ZNF385D: variants seen among roughly 807,000 people sequenced by gnomAD.
ZNF385D encodes zinc finger protein 659.
In ZNF385D, 15 loss-of-function variants were observed where a neutral mutation model predicts 35.8. The observed-to-expected ratio is 0.42, with a 90% confidence interval of 0.28 to 0.64. The LOEUF is 0.64. ZNF385D is among the 30% of genes least tolerant of loss of function. The probability of loss-of-function intolerance (pLI) is 0.23; values close to 1 mark genes in which losing one functional copy is unlikely to be tolerated. For missense variants in ZNF385D, 474 were observed against 494.6 expected, an observed-to-expected ratio of 0.96 and a Z score of 0.39; for synonymous variants, 212 against 186.8, an observed-to-expected ratio of 1.13 and a Z score of -1.10.
intron 3 of ZNF385D, among the ~76,000 whole-genome samples, chr3:22,031,791 G>A (rs750389884): frequency 2.6e-5 from 4 of 152,152 alleles, no homozygotes; most frequent in Non-Finnish European, 4.4e-5. Flanking sequence ...CTACCGCATG[G>A]TCACGCTGCC....
chr3:21,715,953 T>C (rs1459325123), intron 1 of ZNF385D, among the ~76,000 whole-genome samples: 1 of 152,132 alleles, frequency 6.6e-6, no homozygotes, highest in Non-Finnish European at 1.5e-5. Context: ...TTCAAATCTG[T>C]TTCTCTCAAA....
intron 3 of ZNF385D, among the ~76,000 whole-genome samples, chr3:22,050,808 C>T (rs902884525): frequency 2.6e-5 from 4 of 152,076 alleles, no homozygotes; most frequent in East Asian, 1.9e-4. Flanking sequence ...TCAAAAATAA[C>T]GAATATCTGT....
At chr3:21,872,433 T>C (rs965142494) in intron 3 of ZNF385D, among the ~76,000 whole-genome samples, 2 of 152,176 alleles carry the variant, frequency 1.3e-5, no homozygotes, top group African/African-American at 2.4e-5. Flanking sequence ...TGAAAATCTA[T>C]TGAATTGAAG....
chr3:21,627,972 G>C (rs937522957), intron 2 of ZNF385D, among the ~76,000 whole-genome samples: 6 of 152,098 alleles, frequency 3.9e-5, no homozygotes, highest in Non-Finnish European at 8.8e-5. Context: ...AAAATGTCAA[G>C]TGCCTTCTTT....
At chr3:21,491,552 C>T (rs116350020) in intron 4 of ZNF385D, among the ~76,000 whole-genome samples, 1,719 of 152,128 alleles carry the variant, frequency 0.011, 29 homozygotes, top group African/African-American at 0.039. Context: ...TGTCTGCATA[C>T]ACAGATAACT....
intron 2 of ZNF385D, among the ~76,000 whole-genome samples, chr3:22,209,100 T>C (rs1697347776): frequency 6.6e-6 from 1 of 151,824 alleles, no homozygotes; most frequent in Non-Finnish European, 1.5e-5. Context: ...GGCATTCTGC[T>C]CCTCCGATTC....
intron 3 of ZNF385D, among the ~76,000 whole-genome samples, chr3:21,821,846 G>A (rs1460818449): frequency 6.6e-6 from 1 of 151,370 alleles, no homozygotes; most frequent in East Asian, 2.0e-4. Context: ...CCTGCCTGCA[G>A]TCCCAGGTAC....
chr3:22,272,427 A>C (rs1413657201), intron 2 of ZNF385D, among the ~76,000 whole-genome samples: 2 of 151,998 alleles, frequency 1.3e-5, no homozygotes, highest in Non-Finnish European at 2.9e-5. Context: ...ATTACCCATA[A>C]TGAACTCAAG....
intron 4 of ZNF385D, among the ~76,000 whole-genome samples, chr3:21,471,824 G>C (rs1703916245): frequency 6.6e-6 from 1 of 150,958 alleles, no homozygotes; most frequent in South Asian, 2.1e-4. Context: ...TAAAATCTCA[G>C]AGAGACAAAG....
intron 3 of ZNF385D, among the ~76,000 whole-genome samples, chr3:21,518,350 A>G (rs1243870660): frequency 6.6e-6 from 1 of 152,164 alleles, no homozygotes; most frequent in East Asian, 1.9e-4. Context: ...AACATTACAT[A>G]TGAGTGCTTT....
intron 3 of ZNF385D, among the ~76,000 whole-genome samples, chr3:21,821,018 A>T (rs1204789171): frequency 6.6e-6 from 1 of 152,068 alleles, no homozygotes; most frequent in African/African-American, 2.4e-5. Context: ...GCAAGAATAC[A>T]CTAAATGGAG....
chr3:21,568,335 CAG>C (rs768508089), intron 2 of ZNF385D, among the ~76,000 whole-genome samples: 23 of 152,106 alleles, frequency 1.5e-4, no homozygotes, highest in Non-Finnish European at 2.6e-4. Context: ...ACTGTCAAAT[CAG>C]GGGACACACA....
At chr3:21,993,086 T>C (rs991629594) in intron 3 of ZNF385D, among the ~76,000 whole-genome samples, 3 of 152,218 alleles carry the variant, frequency 2.0e-5, no homozygotes, top group Non-Finnish European at 2.9e-5. Context: ...ACATGCCAGA[T>C]ACATAACTCT....
chr3:21,942,822 C>A (rs1427054937), intron 3 of ZNF385D, among the ~76,000 whole-genome samples: 1 of 152,152 alleles, frequency 6.6e-6, no homozygotes, highest in African/African-American at 2.4e-5. Flanking sequence ...TTTAAGACAT[C>A]CCTAATCACA....
intron 4 of ZNF385D, among the ~76,000 whole-genome samples, chr3:21,455,432 C>T (rs1437271548): frequency 6.6e-6 from 1 of 152,186 alleles, no homozygotes; most frequent in Non-Finnish European, 1.5e-5. Context: ...AATAATACCA[C>T]ACATCTACAA....
chr3:22,154,074 T>C (rs1416524578), intron 3 of ZNF385D, among the ~76,000 whole-genome samples: 1 of 152,154 alleles, frequency 6.6e-6, no homozygotes, highest in African/African-American at 2.4e-5. Flanking sequence ...GGAATAAGCC[T>C]TATGTGAATT....
chr3:21,961,414 A>C (rs2125319392), intron 3 of ZNF385D: 1 of 152,286 alleles, frequency 6.6e-6, no homozygotes, highest in African/African-American at 2.4e-5. Flanking sequence ...GATTGTCAAC[A>C]GGTATTTTGC....
intron 3 of ZNF385D, among the ~76,000 whole-genome samples, chr3:21,982,079 GTTTT>G (rs59719489): frequency 3.0e-5 from 4 of 133,254 alleles, no homozygotes; most frequent in Admixed American, 7.6e-5. Flanking sequence ...TTTTAAAATA[GTTTT>G]TTTTTTTTTT....
chr3:22,110,769 C>G (rs549414931), intron 3 of ZNF385D, among the ~76,000 whole-genome samples: 2 of 149,868 alleles, frequency 1.3e-5, no homozygotes, highest in East Asian at 1.9e-4. Flanking sequence ...GAACATGTAC[C>G]CTAAAACTTA....
Sources: gnomAD v4.1 joint callset for allele counts (sites outside exome capture counted in the v4.1 genomes callset) on GRCh38, gnomAD v4.1.1 for gene constraint, MANE v1.5 for transcripts, NCBI Gene and HGNC (gene_info 2026-07-23, HGNC 2026-07-21) for gene names.